PDE9A: variants seen among roughly 807,000 people sequenced by gnomAD.
PDE9A encodes phosphodiesterase 9A.
PDE9A carries 60 observed loss-of-function variants against 87.4 expected under a neutral mutation model. The ratio of observed to expected loss-of-function variants is 0.69; its 90% CI spans 0.56 to 0.85. The LOEUF is 0.85. Among genes scored for constraint, PDE9A ranks in the 40% least tolerant of loss-of-function variants. The pLI, the probability that PDE9A is intolerant of heterozygous loss-of-function variation, is 0.00. For missense variants in PDE9A, 665 were observed against 779.0 expected, an observed-to-expected ratio of 0.85 and a Z score of 1.74; for synonymous variants, 272 against 279.4, an observed-to-expected ratio of 0.97 and a Z score of 0.27.
intron 14 of PDE9A, 98 bp from the exon 15 acceptor site, chr21:42,765,283 T>C: frequency 1.5e-6 from 1 of 647,780 alleles, no homozygotes; most frequent in East Asian, 2.8e-5. Context: ...AAGAGATACA[T>C]GAAATAATGT....
In PDE9A at chr21:42,659,816, G is replaced by C. The variant is rs2057351341; in HGVS notation, c.69+5933G>C. ...TCCGGAGCTCAGTGTGGGTGGAGGG[G>C]CTGTCTGGCCTCAGAAATGGGCAAA... On this transcript the variant is annotated intron_variant, in intron 1 of 19. Coordinates refer to ENST00000291539, the MANE Select transcript of PDE9A (RefSeq NM_002606.3). This position sits in a 1 kb window ranked among gnomAD's most constrained non-coding sequence, Gnocchi z 4.1. Among the ~76,000 whole-genome samples the C allele has an allele frequency of 6.6e-6, 1 of 152,210 alleles. No individual in the cohort carries two copies. The highest frequency in any genetic ancestry group is 1.5e-5 in the Non-Finnish European group (1 of 68,034).
chr21:42,657,906 G>A (rs966433363), intron 1 of PDE9A, among the ~76,000 whole-genome samples: 3 of 152,246 alleles, frequency 2.0e-5, no homozygotes, highest in Non-Finnish European at 2.9e-5. Flanking sequence ...TGAACACATC[G>A]GTGGCCGCTT....
At chr21:42,703,197 C>T (rs1240336648) in intron 4 of PDE9A, among the ~76,000 whole-genome samples, 4 of 152,202 alleles carry the variant, frequency 2.6e-5, no homozygotes, top group South Asian at 2.1e-4. Flanking sequence ...GGGGTTGCTG[C>T]GGGTGGGCTT....
At chr21:42,767,103 T>TAA (rs2056483863) in intron 15 of PDE9A, among the ~76,000 whole-genome samples, 1 of 151,452 alleles carries the variant, frequency 6.6e-6, no homozygotes, top group Admixed American at 6.6e-5. Context: ...GTCTCACTGC[T>TAA]ACGGAGCCCC....
chr21:42,761,775 G>A (rs2055796831), intron 13 of PDE9A, among the ~76,000 whole-genome samples: 2 of 152,196 alleles, frequency 1.3e-5, no homozygotes, highest in Admixed American at 1.3e-4. Context: ...ACCTGCCTCT[G>A]GCACCTGGTG....
chr21:42,770,088 T>C (rs1316732022), intron 17 of PDE9A, among the ~76,000 whole-genome samples: 1 of 151,980 alleles, frequency 6.6e-6, no homozygotes, highest in Non-Finnish European at 1.5e-5. Context: ...CCTCGAGCTG[T>C]GAAGCCCCTG....
chr21:42,699,815 T>C (rs2048244191), intron 4 of PDE9A, among the ~76,000 whole-genome samples: 1 of 152,126 alleles, frequency 6.6e-6, no homozygotes, highest in Admixed American at 6.5e-5. Flanking sequence ...TGTCTTAGCC[T>C]CCCAAAGTGC....
intron 1 of PDE9A, among the ~76,000 whole-genome samples, chr21:42,670,636 C>A (rs1272289261): frequency 6.6e-6 from 1 of 151,914 alleles, no homozygotes. Flanking sequence ...CACACATACA[C>A]TTACAAACTA....
chr21:42,699,554 C>CT (rs200609471), intron 4 of PDE9A, among the ~76,000 whole-genome samples: 66 of 75,414 alleles, frequency 8.8e-4, no homozygotes, highest in South Asian at 3.5e-3. Flanking sequence ...TTTTCTTTTT[C>CT]TTTTTTTTTT....
chr21:42,771,042 C>T (rs1569283553), intron 18 of PDE9A, among the ~76,000 whole-genome samples: 1 of 152,234 alleles, frequency 6.6e-6, no homozygotes, highest in Non-Finnish European at 1.5e-5. Context: ...GTTTACTGGC[C>T]GTGCCCTTCA....
chr21:42,690,321 T>A (rs753087300), intron 3 of PDE9A, among the ~76,000 whole-genome samples: 2 of 151,712 alleles, frequency 1.3e-5, no homozygotes, highest in African/African-American at 2.4e-5. Flanking sequence ...GATAGATGCA[T>A]AGGGTGTGGA....
chr21:42,771,756 C>A (rs2057042871), intron 18 of PDE9A, among the ~76,000 whole-genome samples: 1 of 152,260 alleles, frequency 6.6e-6, no homozygotes, highest in Admixed American at 6.5e-5. Context: ...CCCATGCCCA[C>A]ACCCGCCTGG....
chr21:42,756,613 T>C (rs1241834769), intron 10 of PDE9A, among the ~76,000 whole-genome samples: 1 of 151,790 alleles, frequency 6.6e-6, no homozygotes, highest in Non-Finnish European at 1.5e-5. Flanking sequence ...CCCAGGGCTG[T>C]GGCCCGTGAG....
rs896210108 is a variant in PDE9A at position 42,667,033 on chromosome 21, C to G, written c.69+13150C>G. 2.6e-5 allele frequency among the ~76,000 whole-genome samples: 4 copies of G among 152,072 alleles called. No homozygotes were observed. In the South Asian group the frequency reaches 8.3e-4, roughly 32 times the overall value. On this transcript the variant is annotated intron_variant, in intron 1 of 19. Transcript: ENST00000291539. The stretch of plus-strand genomic sequence containing the variant: ...CCACTCCCCCCCGCCCCAACCCCAG[C>G]ATGTTGAGGCGCCTGGTCCCAACTG...
intron 19 of PDE9A, among the ~76,000 whole-genome samples, chr21:42,773,226 C>G (rs563877940): frequency 2.5e-4 from 36 of 145,576 alleles, no homozygotes; most frequent in African/African-American, 8.7e-4. Context: ...TGCGCCACTG[C>G]CCTCCAGCCT....
intron 6 of PDE9A, among the ~76,000 whole-genome samples, chr21:42,732,603 CGGGT>C (rs2051923123): frequency 6.6e-6 from 1 of 152,172 alleles, no homozygotes. Context: ...AAAGCACAGA[CGGGT>C]GGGATTTTTT....
At chr21:42,670,173 GCACACATACACTTACACACATTCA>G (rs1853339159) in intron 1 of PDE9A, among the ~76,000 whole-genome samples, 2 of 138,900 alleles carry the variant, frequency 1.4e-5, no homozygotes, top group African/African-American at 2.9e-5. Context: ...ACATTCACAC[GCACACATACACTTACACACATTCA>G]CACACATACA....
Position 42,770,707 on chromosome 21 carries a change from T to G in PDE9A, c.1595T>G (p.Phe532Cys). The G allele has an allele frequency of 6.2e-7, 1 of 1,612,992 alleles. No homozygotes were observed. Among genetic ancestry groups the G allele is most frequent in the Non-Finnish European group, 8.5e-7 (1 of 1,178,924 alleles). ...IPMFETVTKL[F>C]PMVEEIMLQP... ...AAATCCGTGTGTCTCTCCCAGCTCT[T>G]CCCCATGGTTGAGGAGATCATGCTG... The change falls in exon 18 of 20, where the codon TTC becomes TGC. Residue 532 changes from phenylalanine to cysteine, a missense_variant. Phe to Cys is a radical substitution (Grantham distance 205). Transcript: ENST00000291539.
intron 7 of PDE9A, among the ~76,000 whole-genome samples, chr21:42,741,917 A>G (rs2053312726): frequency 1.3e-5 from 2 of 152,182 alleles, no homozygotes; most frequent in South Asian, 2.1e-4. Context: ...AAAGGGGAAT[A>G]GAGTGGTATC....
Sources: gnomAD v4.1 joint callset for allele counts (sites outside exome capture counted in the v4.1 genomes callset) on GRCh38, gnomAD v4.1.1 for gene constraint, Gnocchi (gnomAD v3.1) non-coding constraint, MANE v1.5 for transcripts, NCBI Gene and HGNC (gene_info 2026-07-23, HGNC 2026-07-21) for gene names.